Variants in RIMS1 observed in about 807,000 individuals in gnomAD.
The protein encoded by RIMS1 is regulating synaptic membrane exocytosis 1.
RIMS1 carries 83 observed loss-of-function variants against 214.1 expected under a neutral mutation model. The ratio of observed to expected loss-of-function variants is 0.39; its 90% CI spans 0.32 to 0.47. The LOEUF (loss-of-function observed/expected upper bound fraction) is 0.47. Among genes scored for constraint, RIMS1 ranks in the 20% least tolerant of loss-of-function variants. RIMS1 has a pLI of 0.99. For synonymous variants in RIMS1, 793 were observed against 786.8 expected (o/e 1.01, Z -0.13); for missense variants, 2,050 against 2,161.8 (o/e 0.95, Z 1.03).
intron 2 of RIMS1, among the ~76,000 whole-genome samples, chr6:72,093,232 A>G (rs9360525): frequency 0.015 from 2,019 of 134,624 alleles, 34 homozygotes; most frequent in East Asian, 0.026. Context: ...ATATATAAAA[A>G]CATGTGTGTA....
chr6:72,143,511 C>T (rs1177816464), intron 4 of RIMS1, among the ~76,000 whole-genome samples: 1 of 151,980 alleles, frequency 6.6e-6, no homozygotes, highest in African/African-American at 2.4e-5. Context: ...TGGTGGAAGT[C>T]AGGATGAAGT....
chr6:72,067,011 A>G (rs534697532), intron 2 of RIMS1, among the ~76,000 whole-genome samples: 1 of 152,212 alleles, frequency 6.6e-6, no homozygotes, highest in Non-Finnish European at 1.5e-5. Flanking sequence ...ACCCTAGACC[A>G]TCCTCCACTT....
chr6:72,100,245 T>C (rs1270954539), intron 4 of RIMS1, among the ~76,000 whole-genome samples: 1 of 152,066 alleles, frequency 6.6e-6, no homozygotes, highest in Non-Finnish European at 1.5e-5. Flanking sequence ...CAAGCTCATT[T>C]ATCTGCTTGA....
rs185936476 is a variant in RIMS1 at position 72,190,109 on chromosome 6, C to G, written c.1678+6960C>G. The stretch of plus-strand genomic sequence containing the variant: ...AAAGTGTACAACCAGGTACACTGGT[C>G]GAAGTTCTGCCCACTGGGAAGATTT... On this transcript the variant is annotated intron_variant, in intron 6 of 33. Coordinates refer to ENST00000521978, the MANE Select transcript of RIMS1 (RefSeq NM_014989.7). 1.5e-4 allele frequency among the ~76,000 whole-genome samples: 23 copies of G among 152,256 alleles called. No individual in the cohort carries two copies. In the South Asian group the frequency reaches 3.9e-3, roughly 26 times the overall value.
At chr6:72,120,866 C>T (rs1183815709) in intron 4 of RIMS1, among the ~76,000 whole-genome samples, 1 of 151,952 alleles carries the variant, frequency 6.6e-6, no homozygotes, top group East Asian at 1.9e-4. Context: ...CAGCTTTCTA[C>T]ATATAGCTAG....
intron 1 of RIMS1, among the ~76,000 whole-genome samples, chr6:71,932,763 A>G (rs1287292876): frequency 6.6e-6 from 1 of 152,138 alleles, no homozygotes; most frequent in Non-Finnish European, 1.5e-5. Flanking sequence ...GGCATGTATT[A>G]TCATGATCCC....
At chr6:72,114,106 TAC>T (rs1469608908) in intron 4 of RIMS1, among the ~76,000 whole-genome samples, 1 of 152,108 alleles carries the variant, frequency 6.6e-6, no homozygotes, top group Non-Finnish European at 1.5e-5. Context: ...GAACTGTAGC[TAC>T]TTTGTCATTG....
intron 6 of RIMS1, 79 bp downstream of exon 6, chr6:72,183,228 T>A: frequency 6.9e-7 from 1 of 1,451,784 alleles, no homozygotes; most frequent in Non-Finnish European, 9.4e-7. Context: ...CTAGGCTAGT[T>A]GCTGGGTTCA....
chr6:72,282,902 C>G (rs1181525138), intron 23 of RIMS1, among the ~76,000 whole-genome samples: 1 of 151,664 alleles, frequency 6.6e-6, no homozygotes, highest in Admixed American at 6.6e-5. Context: ...CAGCTGAAAC[C>G]CTGAATTGAA....
chr6:72,181,818 T>G (rs1011021325), intron 5 of RIMS1, among the ~76,000 whole-genome samples: 1 of 152,082 alleles, frequency 6.6e-6, no homozygotes, highest in Non-Finnish European at 1.5e-5. Context: ...AACAGAAAAT[T>G]AAAGGTAGAG....
intron 6 of RIMS1, among the ~76,000 whole-genome samples, chr6:72,231,910 G>T (rs1437237534): frequency 6.6e-6 from 1 of 151,522 alleles, no homozygotes; most frequent in East Asian, 1.9e-4. Context: ...TAATATGAGC[G>T]AAACAAGGGG....
intron 4 of RIMS1, among the ~76,000 whole-genome samples, chr6:72,128,259 A>G (rs2039914860): frequency 6.6e-6 from 1 of 152,174 alleles, no homozygotes; most frequent in Admixed American, 6.5e-5. Flanking sequence ...ATGTACATAC[A>G]TTTCAAAGGA....
At chr6:72,024,280 A>C (rs1211699751) in intron 2 of RIMS1, among the ~76,000 whole-genome samples, 1 of 151,898 alleles carries the variant, frequency 6.6e-6, no homozygotes, top group Non-Finnish European at 1.5e-5. Flanking sequence ...TTTCTCTACA[A>C]ATTCTCATTT....
At chr6:71,975,956 G>C (rs1797031203) in intron 2 of RIMS1, among the ~76,000 whole-genome samples, 1 of 151,992 alleles carries the variant, frequency 6.6e-6, no homozygotes, top group South Asian at 2.1e-4. Flanking sequence ...TCATCCATCA[G>C]TTAATGGACA....
chr6:72,283,509 TTATA>T (rs202124174), intron 23 of RIMS1, among the ~76,000 whole-genome samples: 4,446 of 152,258 alleles, frequency 0.029, 191 homozygotes, highest in African/African-American at 0.1. Flanking sequence ...TTTTAATACT[TTATA>T]TAAATACTTT....
rs1396161564 is a variant in RIMS1 at position 72,159,352 on chromosome 6, C to T, written c.472-20223C>T. Reference sequence around the variant, plus strand: ...TCTCCCATTCTGTAGGTTGCCTGTTCACTCTGACGGTAGTTTCTTTTGCTG... The same window carrying T: ...TCTCCCATTCTGTAGGTTGCCTGTTTACTCTGACGGTAGTTTCTTTTGCTG... On this transcript the variant is annotated intron_variant, in intron 4 of 33. Coordinates refer to ENST00000521978, the MANE Select transcript of RIMS1 (RefSeq NM_014989.7). Among the ~76,000 whole-genome samples the T allele has an allele frequency of 1.4e-5, 2 of 140,202 alleles. 1 individual carries two copies. The highest frequency in any genetic ancestry group is 3.2e-5 in the Non-Finnish European group (2 of 61,788). The allele number at this position is 140,202 out of a possible 152,430, so 92.0% of individuals were successfully genotyped here.
At chr6:72,015,823 G>C (rs1180463112) in intron 2 of RIMS1, among the ~76,000 whole-genome samples, 1 of 152,158 alleles carries the variant, frequency 6.6e-6, no homozygotes, top group African/African-American at 2.4e-5. Context: ...CTACTTGGGA[G>C]GCTGAGGCAG....
At chr6:72,257,794 T>A (rs188423794) in intron 16 of RIMS1, among the ~76,000 whole-genome samples, 1 of 152,312 alleles carries the variant, frequency 6.6e-6, no homozygotes, top group Admixed American at 6.5e-5. Flanking sequence ...TGTCAAGCAC[T>A]TCATTTGTGT....
chr6:72,031,749 A>G (rs528984547), intron 2 of RIMS1, among the ~76,000 whole-genome samples: 312 of 152,274 alleles, frequency 2.0e-3, no homozygotes, highest in Middle Eastern at 6.8e-3. Context: ...TTACATTTCA[A>G]CACCTATTTA....
Sources: allele counts gnomAD v4.1 joint callset (sites outside exome capture counted in the v4.1 genomes callset), GRCh38; gene constraint gnomAD v4.1.1; transcripts MANE v1.5; gene names NCBI Gene and HGNC (gene_info 2026-07-23, HGNC 2026-07-21).